The following PPARG variants were observed in gnomAD, a reference collection of about 807,000 sequenced individuals.
PPARG encodes the protein peroxisome proliferator activated receptor gamma.
A neutral mutation model predicts 39.2 loss-of-function variants in PPARG; 17 were observed. The ratio of observed to expected loss-of-function variants is 0.43; its 90% confidence interval spans 0.30 to 0.65. PPARG has a LOEUF of 0.65. Among genes scored for constraint, PPARG ranks in the 30% least tolerant of loss-of-function variants. The pLI is 0.13. For missense variants in PPARG, 406 were observed against 585.9 expected (o/e 0.69, Z 3.17); for synonymous variants, 223 against 215.7 (o/e 1.03, Z -0.30).
chr3:12,350,581 C>A (rs889193958), intron 2 of PPARG, among the ~76,000 whole-genome samples: 2 of 152,224 alleles, frequency 1.3e-5, no homozygotes, highest in African/African-American at 4.8e-5. Context: ...GCTCCCACAT[C>A]GGTAATTTGG....
intron 6 of PPARG, among the ~76,000 whole-genome samples, chr3:12,413,661 T>G (rs1006593429): frequency 6.6e-6 from 1 of 150,830 alleles, no homozygotes; most frequent in Non-Finnish European, 1.5e-5. Context: ...AATAAAAAAA[T>G]TTAAAAAAAA....
chr3:12,417,937 C>CCTCA (rs1222097228), intron 7 of PPARG, among the ~76,000 whole-genome samples: 1 of 106,494 alleles, frequency 9.4e-6, no homozygotes, highest in East Asian at 2.9e-4. Context: ...TGAGACAGGG[C>CCTCA]CTCACTCTGT....
chr3:12,389,620 G>C (rs1213963594), intron 4 of PPARG, among the ~76,000 whole-genome samples: 1 of 152,220 alleles, frequency 6.6e-6, no homozygotes, highest in Non-Finnish European at 1.5e-5. Flanking sequence ...GCCAGGCGTA[G>C]TGGCACATGT....
intron 7 of PPARG, among the ~76,000 whole-genome samples, chr3:12,421,808 T>A (rs1285676294): frequency 1.3e-5 from 2 of 152,192 alleles, no homozygotes; most frequent in Non-Finnish European, 2.9e-5. Flanking sequence ...TCTGGCTTGG[T>A]GACGCAAACC....
intron 1 of PPARG, among the ~76,000 whole-genome samples, chr3:12,310,946 G>A (rs560863204): frequency 1.3e-5 from 2 of 152,102 alleles, no homozygotes; most frequent in Admixed American, 6.6e-5. Context: ...ATTAGAGTGT[G>A]TTTATGTAAA....
chr3:12,418,291 C>A (rs975159409), intron 7 of PPARG, among the ~76,000 whole-genome samples: 1 of 152,124 alleles, frequency 6.6e-6, no homozygotes, highest in African/African-American at 2.4e-5. Context: ...TCATTAGCCT[C>A]TCATGAGTAG....
chr3:12,346,643 CT>C (rs930351699), intron 2 of PPARG, among the ~76,000 whole-genome samples: 3 of 149,320 alleles, frequency 2.0e-5, no homozygotes, highest in African/African-American at 7.4e-5. Flanking sequence ...TTATTGGCTT[CT>C]TTTTTTTTAA....
intron 2 of PPARG, among the ~76,000 whole-genome samples, chr3:12,373,128 A>G (rs13091468): frequency 6.6e-6 from 1 of 152,182 alleles, no homozygotes; most frequent in Non-Finnish European, 1.5e-5. Context: ...CTTGGCAGAA[A>G]CAGTAGCTTA....
At chr3:12,341,058 C>A (rs1056400283) in intron 2 of PPARG, among the ~76,000 whole-genome samples, 1 of 152,128 alleles carries the variant, frequency 6.6e-6, no homozygotes, top group African/African-American at 2.4e-5. Flanking sequence ...TGGCACATGC[C>A]TGTAGTCCCA....
intron 5 of PPARG, among the ~76,000 whole-genome samples, chr3:12,397,890 C>A (rs892374662): frequency 6.6e-6 from 1 of 152,084 alleles, no homozygotes; most frequent in Admixed American, 6.6e-5. Flanking sequence ...CACCTCCTCT[C>A]CCCACCCCTG....
chr3:12,331,941 A>G (rs1158692135), intron 2 of PPARG, among the ~76,000 whole-genome samples: 1 of 152,176 alleles, frequency 6.6e-6, no homozygotes, highest in Non-Finnish European at 1.5e-5. Flanking sequence ...TACCAAATAG[A>G]TATTTCTATG....
chr3:12,316,218 G>T (rs1320129568), intron 2 of PPARG, among the ~76,000 whole-genome samples: 2 of 152,146 alleles, frequency 1.3e-5, no homozygotes, highest in Admixed American at 1.3e-4. Context: ...AAAATGAGCG[G>T]TCTAAATTCA....
intron 6 of PPARG, among the ~76,000 whole-genome samples, chr3:12,414,373 T>G (rs1424491716): frequency 6.6e-6 from 1 of 152,100 alleles, no homozygotes; most frequent in Non-Finnish European, 1.5e-5. Context: ...AGCACGCACT[T>G]AGGGAGGCCA....
At chr3:12,288,471 C>G (rs1442815297), upstream of PPARG, among the ~76,000 whole-genome samples, 2 of 151,904 alleles carry the variant, frequency 1.3e-5, no homozygotes, top group African/African-American at 4.8e-5. Flanking sequence ...ACGGGGACCT[C>G]CGCGTCCCCG....
intron 5 of PPARG, among the ~76,000 whole-genome samples, chr3:12,400,684 A>AT (rs1289897279): frequency 3.9e-5 from 6 of 152,052 alleles, no homozygotes; most frequent in Admixed American, 1.3e-4. Context: ...ACAGAATGTA[A>AT]TTTTTTTTGA....
At position 12,424,824 on chromosome 3, in the gene PPARG, C is replaced by T. The variant is rs554506982; in HGVS notation, c.1180+7670C>T. On this transcript the variant is annotated intron_variant, in intron 7 of 7. Transcript: ENST00000651735. ...CTCTCTCTTCCTAGATGTGTGCTTG[C>T]GGCAATTATTTATCTCTCTGAGCCT... 1.7e-4 allele frequency among the ~76,000 whole-genome samples: 26 copies of T among 152,252 alleles called. 1 individual carries two copies. Among genetic ancestry groups the T allele is most frequent in the East Asian group, 5.8e-4 (3 of 5,168 alleles).
At chr3:12,334,651 C>G (rs952014604) in intron 2 of PPARG, among the ~76,000 whole-genome samples, 2 of 152,108 alleles carry the variant, frequency 1.3e-5, no homozygotes, top group African/African-American at 4.8e-5. Context: ...TCCTACTTCT[C>G]AAGATGAAAT....
chr3:12,411,113 A>G (rs542135183), intron 6 of PPARG, among the ~76,000 whole-genome samples: 1 of 152,294 alleles, frequency 6.6e-6, no homozygotes, highest in South Asian at 2.1e-4. Context: ...AGGAATAGCT[A>G]AAGATGTAAA....
chr3:12,421,617 G>A (rs559200608), intron 7 of PPARG, among the ~76,000 whole-genome samples: 11 of 152,236 alleles, frequency 7.2e-5, no homozygotes, highest in Non-Finnish European at 1.6e-4. Flanking sequence ...ATTCAAAACA[G>A]TTTGGAATCC....
Sources: allele counts gnomAD v4.1 joint callset (sites outside exome capture counted in the v4.1 genomes callset), GRCh38; gene constraint gnomAD v4.1.1; transcripts MANE v1.5; gene names NCBI Gene and HGNC (gene_info 2026-07-23, HGNC 2026-07-21).